GZF1: variants seen among roughly 807,000 people sequenced by gnomAD.
GZF1 encodes GDNF inducible zinc finger protein 1.
In GZF1, 28 loss-of-function variants were observed where a neutral mutation model predicts 49.4. The ratio of observed to expected loss-of-function variants is 0.57; its 90% CI spans 0.42 to 0.78. GZF1 has a LOEUF of 0.78. Ranked by LOEUF, GZF1 falls within the 30% of genes least tolerant of loss-of-function variation. The probability of loss-of-function intolerance (pLI) is 0.00; values close to 1 mark genes in which losing one functional copy is unlikely to be tolerated. For missense variants in GZF1, 798 were observed against 916.2 expected (o/e 0.87, Z 1.67); for synonymous variants, 364 against 356.0 (o/e 1.02, Z -0.25).
Position 23,365,630 on chromosome 20 carries a change from TG to T in GZF1, c.1248del (p.Ser417ValfsTer38), listed in dbSNP as rs1981252074. 1.2e-5 allele frequency: 19 copies of T among 1,604,972 alleles called. No individual in the cohort carries two copies. Among genetic ancestry groups the T allele is most frequent in the Non-Finnish European group, 1.6e-5 (19 of 1,179,296 alleles). The stretch of plus-strand genomic sequence containing the variant: ...CGCTGCGGCCAGTGCGGCAAGGGCC[TG>T]AGTTCCAAGACAGCGCTGCGGCTGC... ...RHRCGQCGKG[L>X]SSKTALRLHE... On this transcript the variant is annotated frameshift_variant, in exon 2 of 6. Transcript: ENST00000338121. LOFTEE classifies it high-confidence loss of function.
rs769190160 is a variant in GZF1, at chr20:23,368,762, G to A, written c.1460G>A (p.Gly487Asp). Residue 487 changes from glycine to aspartate, a missense_variant and splice_region_variant, in exon 4 of 6, where the codon GGT becomes GAT. Physicochemically the swap from Gly to Asp is moderately conservative, Grantham distance 94 (BLOSUM62 -1). This residue lies in a region of GZF1 where 446 missense variants were observed against 540.1 expected (regional missense o/e 0.83). Coordinates refer to ENST00000338121, the MANE Select transcript of GZF1 (RefSeq NM_022482.5). ...GACTTTATTTCATTTTCTCATGTAGGTGAAAGACCTTTTATGTGTGAAACA... is the reference window on the plus strand; with the variant it reads ...GACTTTATTTCATTTTCTCATGTAGATGAAAGACCTTTTATGTGTGAAACA... Reference protein sequence around the residue: ...MLIYHKRCHTGERPFMCETCG... With the variant: ...MLIYHKRCHTDERPFMCETCG... 1 of 1,603,180 alleles carries A rather than the reference G, an allele frequency of 6.2e-7. No individual in the cohort carries two copies. Among genetic ancestry groups the A allele is most frequent in the Non-Finnish European group, 8.5e-7 (1 of 1,174,584 alleles).
chr20:23,368,893 C>T lies in GZF1; in HGVS notation c.1591C>T (p.Arg531Trp), dbSNP rs769234330. 4.3e-6 allele frequency: 7 copies of T among 1,613,346 alleles called. No homozygotes were observed. The highest frequency in any genetic ancestry group is 2.2e-5 in the South Asian group (2 of 90,986). ...CEVCFRTFAQRNSLYQHIKVH... is the reference protein window; with the variant it reads ...CEVCFRTFAQWNSLYQHIKVH... ...AGTATGTTTCAGGACTTTTGCCCAG[C>T]GGAATTCACTGTACCAGCATATTAA... Residue 531 changes from arginine (R) to tryptophan (W), a missense_variant, in exon 4 of 6, where the codon CGG becomes TGG. Physicochemically the swap from Arg to Trp is moderately radical, Grantham distance 101 (BLOSUM62 -3). This residue lies in a region of GZF1 where 446 missense variants were observed against 540.1 expected (regional missense o/e 0.83). Transcript: ENST00000338121.
chr20:23,367,227 AAGTG>A, intron 3 of GZF1, 130 bp downstream of exon 3: 1 of 646,856 alleles, frequency 1.5e-6, no homozygotes. Flanking sequence ...TCCATCTAGT[AAGTG>A]AGCAAAATGA....
rs773282791 is a variant in GZF1 at position 23,371,464 on chromosome 20, T to C, written c.*1023T>C. 2.0e-5 allele frequency: 3 copies of C among 152,622 alleles called. No homozygotes were observed. Among genetic ancestry groups the C allele is most frequent in the African/African-American group, 7.2e-5 (3 of 41,464 alleles). The allele number at this position is 152,622 out of a possible 1,614,324, so 9.5% of individuals were successfully genotyped here. On this transcript the variant is annotated 3_prime_UTR_variant, in exon 6 of 6. Transcript: ENST00000338121. The stretch of plus-strand genomic sequence containing the variant: ...ATTTCCTTGGGAGCATGTGAGAACA[T>C]AGCAGTAGGGACCAAAAGTCTCAGC...
rs1421157929 is a variant in GZF1 at position 23,372,891 on chromosome 20, GCTGT to G, written c.*2452_*2455del. 8 of 152,210 alleles carry G rather than the reference GCTGT, an allele frequency of 5.3e-5. No homozygotes were observed. Among genetic ancestry groups the G allele is most frequent in the Admixed American group, 3.9e-4 (6 of 15,284 alleles). 9.4% of individuals were successfully genotyped at this position (152,210 alleles called of 1,614,324 possible). A position where few individuals can be genotyped will look rare whatever the true frequency, so the allele number is the denominator to read the frequency against. On this transcript the variant is annotated 3_prime_UTR_variant, in exon 6 of 6. Coordinates refer to ENST00000338121, the MANE Select transcript of GZF1 (RefSeq NM_022482.5). ...AGCCTTTCGTTTTACCAAATTCTTT[GCTGT>G]CGTTTGGAAAAAATGGGCCATGTGG... is the stretch of plus-strand genomic sequence containing the variant.
chr20:23,368,735 A>G, intron 3 of GZF1, 27 bp from the exon 4 acceptor site: 2 of 1,584,000 alleles, frequency 1.3e-6, no homozygotes, highest in Non-Finnish European at 1.7e-6. Context: ...TGTATTGTTT[A>G]TGACTTTATT....
Position 23,372,743 on chromosome 20 carries a change from T to C in GZF1, c.*2302T>C, listed in dbSNP as rs1284311468. ...GGTCCCAAGTGTGTAATGAGGAAAG[T>C]GGCCAGGTGCCGGCACAGTGCCTCT... On this transcript the variant is annotated 3_prime_UTR_variant, in exon 6 of 6. Coordinates refer to ENST00000338121, the MANE Select transcript of GZF1 (RefSeq NM_022482.5). The C allele has an allele frequency of 6.6e-6, 1 of 152,176 alleles. No individual in the cohort carries two copies. The highest frequency in any genetic ancestry group is 1.5e-5 in the Non-Finnish European group (1 of 68,050). 9.4% of individuals were successfully genotyped at this position (152,176 alleles called of 1,614,324 possible). A position where few individuals can be genotyped will look rare whatever the true frequency, so the allele number is the denominator to read the frequency against.
rs1600535719 is a variant in GZF1 at position 23,366,934 on chromosome 20, G to A, written c.1365-69G>A. On this transcript the variant is annotated intron_variant, in intron 2 of 5. Coordinates refer to ENST00000338121, the MANE Select transcript of GZF1 (RefSeq NM_022482.5). ...GAGTAAACGATTTTTGCAGGATAGA[G>A]TGGAAATTGTATTGCAAAGTGAGCT... The A allele has an allele frequency of 7.4e-6, 8 of 1,082,242 alleles. No individual in the cohort carries two copies. In the East Asian group the frequency reaches 1.9e-4, roughly 26 times the overall value. 67.0% of individuals were successfully genotyped at this position (1,082,242 alleles called of 1,614,324 possible).
At position 23,365,515 on chromosome 20, in the gene GZF1, C is replaced by T. The variant is rs1257101849; in HGVS notation, c.1132C>T (p.Pro378Ser). 12 of 1,613,748 alleles carry T rather than the reference C, an allele frequency of 7.4e-6. No individual in the cohort carries two copies. The highest frequency in any genetic ancestry group is 1.0e-5 in the Non-Finnish European group (12 of 1,179,934). ...RHVHSSERHF[P>S]CELCGKKFKR... ...CGTGCACAGCAGCGAGCGCCATTTC[C>T]CATGCGAGCTGTGCGGGAAGAAGTT... Residue 378 changes from proline (P) to serine (S), a missense_variant, in exon 2 of 6, where the codon CCA (proline) becomes TCA (serine). Physicochemically the swap from Pro to Ser is moderately conservative, Grantham distance 74 (BLOSUM62 -1). Around this residue, in one of 3 missense-constraint regions of GZF1, gnomAD observed 446 missense variants for 540.1 expected, o/e 0.83. Transcript: ENST00000338121.
chr20:23,365,546 G>T lies in GZF1; in HGVS notation c.1163G>T (p.Arg388Leu). 1.2e-6 allele frequency: 2 copies of T among 1,613,092 alleles called. No homozygotes were observed. The highest frequency in any genetic ancestry group is 1.7e-6 in the Non-Finnish European group (2 of 1,179,756). The change falls in exon 2 of 6, where the codon CGC becomes CTC. Residue 388 changes from arginine (R) to leucine (L), a missense_variant. This residue lies in a region of GZF1 where 446 missense variants were observed against 540.1 expected (regional missense o/e 0.83). Coordinates refer to ENST00000338121, the MANE Select transcript of GZF1 (RefSeq NM_022482.5). ...PCELCGKKFK[R>L]KKDVKRHVLQ... ...GAGCTGTGCGGGAAGAAGTTCAAGC[G>T]CAAGAAGGACGTGAAGCGGCACGTG...
Position 23,368,920 on chromosome 20 carries a change from G to A in GZF1, c.1618G>A (p.Val540Ile), listed in dbSNP as rs751186559. ...QRNSLYQHIK[V>I]HTGERPYCCD... is the part of the protein sequence containing the mutation. ...GAATTCACTGTACCAGCATATTAAA[G>A]TCCACACAGGTATGGTTGGAATGTC... The change falls in exon 4 of 6, where the codon GTC becomes ATC. Residue 540 changes from valine to isoleucine, a missense_variant. Coordinates refer to ENST00000338121, the MANE Select transcript of GZF1 (RefSeq NM_022482.5). 1 of 1,611,954 alleles carries A rather than the reference G, an allele frequency of 6.2e-7. No individual in the cohort carries two copies.
chr20:23,365,368 G>A lies in GZF1; in HGVS notation c.985G>A (p.Glu329Lys). 1 of 1,613,444 alleles carries A rather than the reference G, an allele frequency of 6.2e-7. No homozygotes were observed. Among genetic ancestry groups the A allele is most frequent in the South Asian group, 1.1e-5 (1 of 91,020 alleles). ...CSICEKAFLY[E>K]KSFLKHSKHR... The stretch of plus-strand genomic sequence containing the variant: ...CATTTGCGAGAAGGCGTTTCTGTAT[G>A]AGAAGAGCTTCCTGAAGCACAGCAA... Residue 329 changes from glutamate to lysine, a missense_variant, in exon 2 of 6, where the codon GAG becomes AAG. By Grantham distance (56) the Glu-to-Lys change is moderately conservative. Coordinates refer to ENST00000338121, the MANE Select transcript of GZF1 (RefSeq NM_022482.5).
chr20:23,370,164 A>G lies in GZF1; in HGVS notation c.1859A>G (p.His620Arg), dbSNP rs754607214. 1.2e-6 allele frequency: 2 copies of G among 1,614,286 alleles called. No individual in the cohort carries two copies. Among genetic ancestry groups the G allele is most frequent in the Non-Finnish European group, 1.7e-6 (2 of 1,180,052 alleles). ...VDGSPKNDDG[H>R]KTEQPDEEYV... The stretch of plus-strand genomic sequence containing the variant: ...GGCTCGCCCAAGAACGATGACGGAC[A>G]CAAGACTGAACAGCCTGACGAAGAG... The change falls in exon 6 of 6, where the codon CAC becomes CGC. Residue 620 changes from histidine (H) to arginine (R), a missense_variant. Physicochemically the swap from His to Arg is conservative, Grantham distance 29. Around this residue, in one of 3 missense-constraint regions of GZF1, gnomAD observed 446 missense variants for 540.1 expected, o/e 0.83. Transcript: ENST00000338121.
chr20:23,369,482 T>C, intron 4 of GZF1, 102 bp from the exon 5 acceptor site: 1 of 1,056,204 alleles, frequency 9.5e-7, no homozygotes, highest in Non-Finnish European at 1.4e-6. Context: ...TGCTGAGGCT[T>C]CCCAGTGGTT....
intron 1 of GZF1, 87 bp downstream of exon 1, chr20:23,362,324 C>G (rs920065977): frequency 3.3e-5 from 5 of 152,222 alleles, no homozygotes; most frequent in African/African-American, 1.2e-4. Context: ...CTCTGTGGAC[C>G]TGCGCGTCTC....
upstream of GZF1, among the ~76,000 whole-genome samples, chr20:23,361,284 G>C (rs2123009242): frequency 6.6e-6 from 1 of 152,344 alleles, no homozygotes; most frequent in South Asian, 2.1e-4. Context: ...GGCAAGGTCA[G>C]TTTATTGAGA....
At chr20:23,362,988 T>C (rs1435493265) in intron 1 of GZF1, 4 of 152,258 alleles carry the variant, frequency 2.6e-5, no homozygotes, top group South Asian at 4.1e-4. Context: ...CCCACTCTTA[T>C]AGATCCCTTC....
In GZF1 at chr20:23,365,172, C is replaced by G; in HGVS notation, c.789C>G (p.Asp263Glu). The G allele has an allele frequency of 6.2e-7, 1 of 1,612,208 alleles. No individual in the cohort carries two copies. The highest frequency in any genetic ancestry group is 8.5e-7 in the Non-Finnish European group (1 of 1,179,218). The stretch of plus-strand genomic sequence containing the variant: ...TGGGGGACTACAGGTGTCCCCAGGA[C>G]CAAAGCCCGGACAGGGTGGGCACGG... ...GDVGDYRCPQDQSPDRVGTEM... is the reference protein window; with the variant it reads ...GDVGDYRCPQEQSPDRVGTEM... Residue 263 changes from aspartate to glutamate, a missense_variant, in exon 2 of 6, where the codon GAC (aspartate) becomes GAG (glutamate). Coordinates refer to ENST00000338121, the MANE Select transcript of GZF1 (RefSeq NM_022482.5).
chr20:23,361,299 G>T (rs1200464208), upstream of GZF1, among the ~76,000 whole-genome samples: 1 of 152,208 alleles, frequency 6.6e-6, no homozygotes. Context: ...TTGAGAACTG[G>T]AAGTCTGACT....
Sources: allele counts gnomAD v4.1 joint callset (sites outside exome capture counted in the v4.1 genomes callset), GRCh38; gene constraint gnomAD v4.1.1; regional missense constraint gnomAD v4.1.1; transcripts MANE v1.5; gene names NCBI Gene and HGNC (gene_info 2026-07-23, HGNC 2026-07-21).